HDAC9: variants seen among roughly 807,000 people sequenced by gnomAD.
HDAC9 encodes MEF-2 interacting transcription repressor (MITR) protein.
HDAC9 carries 41 observed loss-of-function variants against 139.4 expected under a neutral mutation model. The observed-to-expected ratio is 0.29, with a 90% CI of 0.23 to 0.38. HDAC9 has a LOEUF of 0.38. Ranked by LOEUF, HDAC9 falls within the 10% of genes least tolerant of loss-of-function variation. The pLI is 1.00. For missense variants in HDAC9, 1,147 were observed against 1,297.0 expected (o/e 0.88, Z 1.78); for synonymous variants, 517 against 476.2 (o/e 1.09, Z -1.12).
intron 2 of HDAC9, among the ~76,000 whole-genome samples, chr7:18,190,515 T>C (rs1483812020): frequency 6.6e-6 from 1 of 152,102 alleles, no homozygotes; most frequent in Non-Finnish European, 1.5e-5. Context: ...AGTCAAAAAA[T>C]TGTAATTATA....
chr7:18,893,602 T>C (rs1280129153), intron 22 of HDAC9, among the ~76,000 whole-genome samples: 2 of 152,208 alleles, frequency 1.3e-5, no homozygotes, highest in Non-Finnish European at 2.9e-5. Flanking sequence ...AGCTAGCAGC[T>C]TCCACAATGG....
At chr7:18,808,667 C>T (rs569965254) in intron 17 of HDAC9, among the ~76,000 whole-genome samples, 10 of 151,862 alleles carry the variant, frequency 6.6e-5, no homozygotes, top group East Asian at 3.9e-4. Context: ...ATAAATGGAA[C>T]GATATCCCAT....
chr7:18,367,981 G>A (rs1038252866), intron 1 of HDAC9, among the ~76,000 whole-genome samples: 1 of 151,972 alleles, frequency 6.6e-6, no homozygotes, highest in African/African-American at 2.4e-5. Flanking sequence ...TTCGACTTAT[G>A]GGAAATGCTT....
chr7:18,169,909 G>A (rs1039255322), intron 2 of HDAC9, among the ~76,000 whole-genome samples: 11 of 152,196 alleles, frequency 7.2e-5, no homozygotes, highest in Admixed American at 2.0e-4. Flanking sequence ...GAATAGTGCC[G>A]CAATAAACAT....
chr7:18,168,309 T>C (rs1398162670), intron 2 of HDAC9, among the ~76,000 whole-genome samples: 4 of 152,234 alleles, frequency 2.6e-5, no homozygotes, highest in African/African-American at 4.8e-5. Flanking sequence ...CTCTGTAGTT[T>C]TAAGTATTAT....
intron 12 of HDAC9, among the ~76,000 whole-genome samples, chr7:18,725,208 T>C (rs1055525875): frequency 1.3e-5 from 2 of 152,162 alleles, no homozygotes; most frequent in African/African-American, 4.8e-5. Flanking sequence ...AATCTAATCA[T>C]ATGAATATAT....
At chr7:18,461,860 T>C (rs1389793407) in intron 1 of HDAC9, among the ~76,000 whole-genome samples, 3 of 152,148 alleles carry the variant, frequency 2.0e-5, no homozygotes, top group African/African-American at 7.2e-5. Flanking sequence ...ATGATGATAA[T>C]GTAGCTTACA....
At chr7:18,246,916 G>C (rs548203332) in intron 2 of HDAC9, among the ~76,000 whole-genome samples, 5 of 152,058 alleles carry the variant, frequency 3.3e-5, no homozygotes, top group Non-Finnish European at 5.9e-5. Flanking sequence ...GTAAGATTTT[G>C]AATCTAGGAC....
At chr7:18,748,189 G>T (rs1294441015) in intron 13 of HDAC9, among the ~76,000 whole-genome samples, 1 of 152,042 alleles carries the variant, frequency 6.6e-6, no homozygotes, top group South Asian at 2.1e-4. Flanking sequence ...GCTTTAAAAA[G>T]TCCTATTTTA....
chr7:18,207,653 T>TACAC (rs575317080), intron 2 of HDAC9, among the ~76,000 whole-genome samples: 2 of 149,544 alleles, frequency 1.3e-5, no homozygotes, highest in African/African-American at 4.9e-5. Flanking sequence ...TGTGCATGCA[T>TACAC]ACACACACAC....
Position 18,905,989 on chromosome 7 carries a change from TTCTC to T in HDAC9, c.2804-29810_2804-29807del, listed in dbSNP as rs988315899. ...CTTCCTTCCTTCTCTCCTTCCTTCC[TTCTC>T]TCTCTCTCTTTATTTTTTCTTTCTT... is the stretch of plus-strand genomic sequence containing the variant. On this transcript the variant is annotated intron_variant, in intron 22 of 25. Coordinates refer to ENST00000686413, the MANE Select transcript of HDAC9 (RefSeq NM_178425.4). Among the ~76,000 whole-genome samples the T allele has an allele frequency of 2.1e-4, 32 of 151,146 alleles. No homozygotes were observed. The South Asian group carries it at 3.2e-3, about 15-fold the overall frequency.
chr7:18,780,246 G>A (rs1221656334), intron 16 of HDAC9, among the ~76,000 whole-genome samples: 1 of 152,010 alleles, frequency 6.6e-6, no homozygotes, highest in Non-Finnish European at 1.5e-5. Context: ...GTGATTTATT[G>A]TCTTCTCTGG....
At chr7:18,922,207 AC>A (rs1269819003) in intron 22 of HDAC9, among the ~76,000 whole-genome samples, 1 of 152,110 alleles carries the variant, frequency 6.6e-6, no homozygotes, top group East Asian at 1.9e-4. Context: ...GTGCACATGT[AC>A]CCTACAACTT....
intron 1 of HDAC9, among the ~76,000 whole-genome samples, chr7:18,336,480 A>C (rs752057812): frequency 4.6e-5 from 7 of 151,654 alleles, no homozygotes; most frequent in Non-Finnish European, 8.9e-5. Context: ...TGTAAATAAC[A>C]TCTTCATTTT....
chr7:18,658,908 A>AAAAAC (rs1792195871), intron 11 of HDAC9, among the ~76,000 whole-genome samples: 3 of 151,512 alleles, frequency 2.0e-5, no homozygotes, highest in African/African-American at 7.3e-5. Flanking sequence ...GCAAAAAAAA[A>AAAAAC]AAAAACAAAA....
intron 13 of HDAC9, among the ~76,000 whole-genome samples, chr7:18,731,932 A>C (rs965170318): frequency 2.0e-5 from 3 of 152,092 alleles, no homozygotes; most frequent in African/African-American, 7.2e-5. Flanking sequence ...AGCCTTAAAA[A>C]AATGATATTC....
chr7:18,839,467 A>G (rs1796447980), intron 21 of HDAC9, among the ~76,000 whole-genome samples: 1 of 152,086 alleles, frequency 6.6e-6, no homozygotes. Context: ...AACCTAAGGC[A>G]CAAATGCCTA....
chr7:18,671,104 G>A (rs188251957), intron 12 of HDAC9, among the ~76,000 whole-genome samples: 14 of 151,944 alleles, frequency 9.2e-5, no homozygotes, highest in African/African-American at 2.7e-4. Context: ...CCAAACTAAC[G>A]CAAAGAAAGT....
chr7:18,922,869 C>T (rs146788687), intron 22 of HDAC9, among the ~76,000 whole-genome samples: 207 of 151,862 alleles, frequency 1.4e-3, no homozygotes, highest in African/African-American at 4.8e-3. Flanking sequence ...AAGCAGTTAA[C>T]ATTTTTATGG....
Sources: gnomAD v4.1 joint callset for allele counts (sites outside exome capture counted in the v4.1 genomes callset) on GRCh38, gnomAD v4.1.1 for gene constraint, MANE v1.5 for transcripts, NCBI Gene and HGNC (gene_info 2026-07-23, HGNC 2026-07-21) for gene names.